MYH4: variants seen among roughly 807,000 people sequenced by gnomAD.
MYH4 encodes the protein myosin heavy chain 4, also known as myosin-4.
A neutral mutation model predicts 229.9 loss-of-function variants in MYH4; 200 were observed. The ratio of observed to expected loss-of-function variants is 0.87; its 90% CI spans 0.78 to 0.98. The LOEUF (loss-of-function observed/expected upper bound fraction) is 0.98. Among genes scored for constraint, MYH4 ranks in the 50% least tolerant of loss-of-function variants. MYH4 has a pLI of 0.00. For synonymous variants in MYH4, 761 were observed against 834.6 expected (o/e 0.91, Z 1.52); for missense variants, 2,148 against 2,332.6 (o/e 0.92, Z 1.63).
At position 10,463,381 on chromosome 17, in the gene MYH4, A is replaced by C. The variant is rs763992009; in HGVS notation, c.762T>G (p.His254Gln). 6.2e-7 allele frequency: 1 copy of C among 1,612,892 alleles called. No individual in the cohort carries two copies. Among genetic ancestry groups the C allele is most frequent in the South Asian group, 1.1e-5 (1 of 90,642 alleles). The change falls in exon 9 of 40, where the codon CAT becomes CAG. Residue 254 changes from histidine to glutamine, a missense_variant. By Grantham distance (24) the His-to-Gln change is conservative (BLOSUM62 0). Transcript: ENST00000255381. ...SSRFGKFIRI[H>Q]FGATGKLASA... ...AAGCCAGTTTGCCTGTGGCACCAAA[A>C]TGGATCCTGATGAATTTACCCTTAA... is the stretch of plus-strand genomic sequence containing the variant.
rs934866523 is a variant in MYH4, at chr17:10,462,862, T to C, written c.1008+3A>G. The C allele has an allele frequency of 1.9e-6, 3 of 1,610,946 alleles. No homozygotes were observed. The African/African-American group carries it at 4.0e-5, about 22-fold the overall frequency. ...TTTTTACTACTTTGTACCTATTACT[T>C]ACATCTGTGGCCATCAGCTCTTCCT... is the stretch of plus-strand genomic sequence containing the variant. On this transcript the variant is annotated splice_donor_region_variant and intron_variant, in intron 11 of 39. Transcript: ENST00000255381.
At chr17:10,462,432 G>C (rs2072712867) in intron 11 of MYH4, among the ~76,000 whole-genome samples, 1 of 152,092 alleles carries the variant, frequency 6.6e-6, no homozygotes, top group Non-Finnish European at 1.5e-5. Flanking sequence ...GGCCCACAGA[G>C]GTTTATTCAA....
At chr17:10,450,015 A>G (rs373133196) in intron 30 of MYH4, among the ~76,000 whole-genome samples, 7 of 152,220 alleles carry the variant, frequency 4.6e-5, no homozygotes, top group African/African-American at 1.7e-4. Flanking sequence ...ATAGGTTGTT[A>G]GTTGAAATAA....
intron 12 of MYH4, 33 bp from the exon 13 acceptor site, chr17:10,460,354 C>A: frequency 1.4e-6 from 2 of 1,444,436 alleles, no homozygotes; most frequent in Non-Finnish European, 1.9e-6. Context: ...GTGAAACTGA[C>A]CATGGCTTAC....
Position 10,453,143 on chromosome 17 carries a change from C to T in MYH4, c.3111+9G>A, listed in dbSNP as rs1245195328. The T allele has an allele frequency of 1.9e-6, 3 of 1,614,010 alleles. No homozygotes were observed. Among genetic ancestry groups the T allele is most frequent in the Non-Finnish European group, 2.5e-6 (3 of 1,179,928 alleles). ...TTGCAAGGGGAAACATTTTCTTTTT[C>T]ACACTTACATCGTCCACTTGCTGTT... is the stretch of plus-strand genomic sequence containing the variant. On this transcript the variant is annotated intron_variant, in intron 24 of 39. Transcript: ENST00000255381.
chr17:10,466,694 G>C lies in MYH4; in HGVS notation c.52C>G (p.Arg18Gly). 1 of 1,613,920 alleles carries C rather than the reference G, an allele frequency of 6.2e-7. No individual in the cohort carries two copies. Among genetic ancestry groups the C allele is most frequent in the Non-Finnish European group, 8.5e-7 (1 of 1,180,008 alleles). Reference sequence around the variant, plus strand: ...TCAATTCGCTCCTTTTCAGACTTTCGGAGGAAAGGAGCAGCCTCCCCAAAA... The same window carrying C: ...TCAATTCGCTCCTTTTCAGACTTTCCGAGGAAAGGAGCAGCCTCCCCAAAA... ...AIFGEAAPFL[R>G]KSEKERIEAQ... The change falls in exon 3 of 40, where the codon CGA (arginine) becomes GGA (glycine). Residue 18 changes from arginine (R) to glycine (G), a missense_variant. Coordinates refer to ENST00000255381, the MANE Select transcript of MYH4 (RefSeq NM_017533.2).
chr17:10,450,898 G>A lies in MYH4; in HGVS notation c.3866-3C>T, dbSNP rs766445295. 12 of 1,602,944 alleles carry A rather than the reference G, an allele frequency of 7.5e-6. No homozygotes were observed. The East Asian group carries it at 2.7e-4, about 36-fold the overall frequency. ...ATCTAGCTGTCGTGAAAACTCACCT[G>A]TGGAAGACAAAACATCAATGATTTA... On this transcript the variant is annotated splice_region_variant and splice_polypyrimidine_tract_variant and intron_variant, in intron 28 of 39. Transcript: ENST00000255381.
At position 10,466,564 on chromosome 17, in the gene MYH4, G is replaced by A. The variant is rs760998879; in HGVS notation, c.182C>T (p.Thr61Ile). 1.1e-5 allele frequency: 18 copies of A among 1,613,774 alleles called. No individual in the cohort carries two copies. The Admixed American group carries it at 1.8e-4, about 16-fold the overall frequency. The change falls in exon 3 of 40, where the codon ACA (threonine) becomes ATA (isoleucine). Residue 61 changes from threonine to isoleucine, a missense_variant. Thr to Ile is a moderately conservative substitution (Grantham distance 89). Transcript: ENST00000255381. ...CACAGCTCCAGCTTCGGTCTTGGCT[G>A]TCACCTTCCCCCCTTCCCTGCTCTG... ...IVQSREGGKV[T>I]AKTEAGATVT... is the part of the protein sequence containing the mutation.
rs961830410 is a variant in MYH4 at position 10,446,389 on chromosome 17, C to T, written c.5169+624G>A. On this transcript the variant is annotated intron_variant, in intron 35 of 39. Transcript: ENST00000255381. ...TCTGGATGTTTCCTATATGTTTATA[C>T]GGGAAAAAAGATCACACAGCCTATA... Among the ~76,000 whole-genome samples the T allele has an allele frequency of 3.7e-4, 57 of 152,022 alleles. 1 individual carries two copies. In the Middle Eastern group the frequency reaches 0.01, roughly 27 times the overall value.
rs1441817903 is a variant in MYH4 at position 10,447,823 on chromosome 17, G to A, written c.4960C>T (p.Leu1654=). Residue 1654 remains leucine (L), a synonymous_variant, in exon 34 of 40, where the codon CTG becomes TTG. Transcript: ENST00000255381. The part of the protein sequence containing the change: ...LRNLRNTQGI[L]KDTQLHLDDA... ...GTGTATTTACCCCAGCATACCTTCA[G>A]TATTCCTTGTGTGTTTCTAAGATTC... 4.4e-6 allele frequency: 7 copies of A among 1,608,902 alleles called. No homozygotes were observed. Among genetic ancestry groups the A allele is most frequent in the Non-Finnish European group, 5.9e-6 (7 of 1,177,280 alleles).
rs928153238 is a variant in MYH4, at chr17:10,447,838, T to G, written c.4945A>C (p.Asn1649His). The G allele has an allele frequency of 6.2e-7, 1 of 1,612,500 alleles. No individual in the cohort carries two copies. Among genetic ancestry groups the G allele is most frequent in the African/African-American group, 1.3e-5 (1 of 74,892 alleles). Residue 1649 changes from asparagine to histidine, a missense_variant, in exon 34 of 40, where the codon AAC becomes CAC. Transcript: ENST00000255381. ...QAAEALRNLR[N>H]TQGILKDTQL... The stretch of plus-strand genomic sequence containing the variant: ...CATACCTTCAGTATTCCTTGTGTGT[T>G]TCTAAGATTCCTTAGTGCCTCAGCA...
At chr17:10,447,664 T>C (rs1219537585) in intron 34 of MYH4, among the ~76,000 whole-genome samples, 154 bp downstream of exon 34, 1 of 152,214 alleles carries the variant, frequency 6.6e-6, no homozygotes, top group African/African-American at 2.4e-5. Context: ...AGAATTAAGC[T>C]CTTTTTCAGT....
At chr17:10,456,713 G>C (rs2072643478) in intron 16 of MYH4, among the ~76,000 whole-genome samples, 158 bp from the exon 17 acceptor site, 1 of 152,132 alleles carries the variant, frequency 6.6e-6, no homozygotes. Flanking sequence ...CTCAATTGTA[G>C]ATTAAGAAAG....
intron 20 of MYH4, 41 bp downstream of exon 20, chr17:10,455,131 G>C: frequency 6.2e-7 from 1 of 1,614,026 alleles, no homozygotes; most frequent in Non-Finnish European, 8.5e-7. Context: ...AAGTCTAAAA[G>C]TGATAGAATT....
In MYH4 at chr17:10,460,196, T is replaced by C. The variant is rs758954067; in HGVS notation, c.1266+7A>G. 2 of 1,613,794 alleles carry C rather than the reference T, an allele frequency of 1.2e-6. No homozygotes were observed. The highest frequency in any genetic ancestry group is 1.7e-6 in the Non-Finnish European group (2 of 1,179,656). ...CAAATAAATCAGACAATTTAAGTCATGTTTACCTGCTGCACAGTCTGGCCT... is the reference window on the plus strand; with the variant it reads ...CAAATAAATCAGACAATTTAAGTCACGTTTACCTGCTGCACAGTCTGGCCT... On this transcript the variant is annotated splice_region_variant and intron_variant, in intron 13 of 39. Transcript: ENST00000255381.
At position 10,452,495 on chromosome 17, in the gene MYH4, TC is replaced by T. The variant is rs750345494; in HGVS notation, c.3268del (p.Glu1090LysfsTer2). On this transcript the variant is annotated frameshift_variant, in exon 26 of 40. Transcript: ENST00000255381. LOFTEE classifies it high-confidence loss of function. ...LNEKLKKKEF[E>X]MSNLQGKIED... ...AATCTTGCCTTGCAGATTGCTCATT[TC>T]AAACTCTTTCCTATTAGAAGAGCAA... 1 of 1,613,980 alleles carries T rather than the reference TC, an allele frequency of 6.2e-7. No homozygotes were observed. Among genetic ancestry groups the T allele is most frequent in the Admixed American group, 1.7e-5 (1 of 60,020 alleles).
chr17:10,452,573 C>A, intron 25 of MYH4, 67 bp from the exon 26 acceptor site: 1 of 1,493,230 alleles, frequency 6.7e-7, no homozygotes, highest in Non-Finnish European at 9.2e-7. Context: ...TATGTATAAT[C>A]TAAGACTTTT....
chr17:10,445,171 AT>A (rs1441121044), intron 36 of MYH4, 25 bp from the exon 37 acceptor site: 22 of 1,614,182 alleles, frequency 1.4e-5, no homozygotes, highest in Non-Finnish European at 1.9e-5. Context: ...AATTTTGAAA[AT>A]AATGAATTCT....
rs1422253390 is a variant in MYH4, at chr17:10,460,939, T to C, written c.1124A>G (p.Gln375Arg). ...ACCTTCCGTGCCATCTGGCTCTGCC[T>C]GCTCTTCCCTTTGCTTTTGCTTGAA... ...MKFKQKQREE[Q>R]AEPDGTEVAD... is the part of the protein sequence containing the mutation. Residue 375 changes from glutamine to arginine, a missense_variant, in exon 12 of 40, where the codon CAG becomes CGG. Gln to Arg is a conservative substitution (Grantham distance 43, BLOSUM62 1). Transcript: ENST00000255381. 2.5e-6 allele frequency: 4 copies of C among 1,614,040 alleles called. No homozygotes were observed. Among genetic ancestry groups the C allele is most frequent in the Non-Finnish European group, 3.4e-6 (4 of 1,180,020 alleles).
Sources: gnomAD v4.1 joint callset for allele counts (sites outside exome capture counted in the v4.1 genomes callset) on GRCh38, gnomAD v4.1.1 for gene constraint, MANE v1.5 for transcripts, NCBI Gene and HGNC (gene_info 2026-07-23, HGNC 2026-07-21) for gene names.